SLC9A9: variants seen among roughly 807,000 people sequenced by gnomAD.
SLC9A9 encodes sodium/hydrogen exchanger 9.
SLC9A9 carries 62 observed loss-of-function variants against 77.8 expected under a neutral mutation model. The observed-to-expected ratio is 0.80, with a 90% CI of 0.65 to 0.98. The LOEUF (loss-of-function observed/expected upper bound fraction) is 0.98, where lower values mean the gene tolerates loss of function less well. Ranked by LOEUF, SLC9A9 falls within the 50% of genes least tolerant of loss-of-function variation. SLC9A9 has a pLI of 0.00. For synonymous variants in SLC9A9, 320 were observed against 283.5 expected, an observed-to-expected ratio of 1.13 and a Z score of -1.29; for missense variants, 775 against 774.9, an observed-to-expected ratio of 1.00 and a Z score of 0.00.
intron 4 of SLC9A9, among the ~76,000 whole-genome samples, chr3:143,756,444 C>G (rs1025590422): frequency 6.6e-6 from 1 of 152,096 alleles, no homozygotes; most frequent in African/African-American, 2.4e-5. Context: ...GCATCTATGC[C>G]CCAAGCTGCT....
chr3:143,503,113 T>G (rs2035953201), intron 9 of SLC9A9, among the ~76,000 whole-genome samples: 1 of 152,174 alleles, frequency 6.6e-6, no homozygotes. Flanking sequence ...CAGGACAAAG[T>G]GGGGCTTTCT....
intron 4 of SLC9A9, among the ~76,000 whole-genome samples, chr3:143,745,596 C>T (rs964902133): frequency 6.6e-6 from 1 of 152,176 alleles, no homozygotes. Flanking sequence ...CCAGTGATGT[C>T]AATGCCTAGA....
intron 2 of SLC9A9, among the ~76,000 whole-genome samples, chr3:143,831,565 C>T (rs532019213): frequency 1.3e-4 from 20 of 152,206 alleles, no homozygotes; most frequent in African/African-American, 4.3e-4. Flanking sequence ...TAGCCAAAAG[C>T]CAGTCATCCT....
At chr3:143,453,597 C>T (rs1371242079) in intron 12 of SLC9A9, among the ~76,000 whole-genome samples, 1 of 152,124 alleles carries the variant, frequency 6.6e-6, no homozygotes, top group Non-Finnish European at 1.5e-5. Context: ...TGAAAGTGCT[C>T]TCTCTATATA....
intron 14 of SLC9A9, among the ~76,000 whole-genome samples, chr3:143,302,173 G>A (rs1284754226): frequency 6.6e-6 from 1 of 152,196 alleles, no homozygotes; most frequent in Non-Finnish European, 1.5e-5. Flanking sequence ...AGGATGAGGA[G>A]CACGTTGCCT....
intron 14 of SLC9A9, among the ~76,000 whole-genome samples, chr3:143,321,750 A>G (rs1027859810): frequency 5.3e-5 from 8 of 152,240 alleles, no homozygotes; most frequent in African/African-American, 1.7e-4. Flanking sequence ...AATTCAATTC[A>G]AATATAGAGG....
intron 6 of SLC9A9, among the ~76,000 whole-genome samples, chr3:143,586,997 G>A (rs184569104): frequency 3.2e-4 from 49 of 152,280 alleles, no homozygotes; most frequent in Admixed American, 1.8e-3. Flanking sequence ...TTTAATGACT[G>A]CTCCTTAAGA....
At chr3:143,759,752 A>G (rs765183687) in intron 4 of SLC9A9, among the ~76,000 whole-genome samples, 5 of 151,998 alleles carry the variant, frequency 3.3e-5, no homozygotes, top group African/African-American at 4.8e-5. Flanking sequence ...ATCTCCCCAT[A>G]TTTATTTTAC....
chr3:143,434,527 G>A (rs1042040511), intron 12 of SLC9A9, among the ~76,000 whole-genome samples: 1 of 152,046 alleles, frequency 6.6e-6, no homozygotes, highest in African/African-American at 2.4e-5. Flanking sequence ...TCTAACCACC[G>A]TAGCCCCTTC....
rs567897538 is a variant in SLC9A9, at chr3:143,585,093, G to T, written c.756-6370C>A. Among the ~76,000 whole-genome samples, 7 of 152,240 alleles carry T rather than the reference G, an allele frequency of 4.6e-5. No individual in the cohort carries two copies. In the South Asian group the frequency reaches 1.5e-3, roughly 32 times the overall value. Reference sequence around the variant, plus strand: ...CTTAGAGACCTCTGTTGGCATGATGGCACCTCCATTTTGCTGAGAATCCCT... The same window carrying T: ...CTTAGAGACCTCTGTTGGCATGATGTCACCTCCATTTTGCTGAGAATCCCT... On this transcript the variant is annotated intron_variant, in intron 6 of 15. Transcript: ENST00000316549.
At chr3:143,492,882 A>C (rs1207248305) in intron 11 of SLC9A9, among the ~76,000 whole-genome samples, 1 of 152,208 alleles carries the variant, frequency 6.6e-6, no homozygotes, top group Non-Finnish European at 1.5e-5. Flanking sequence ...GTGTACAGCT[A>C]CATAGGAATC....
At chr3:143,817,250 G>A (rs6795305) in intron 2 of SLC9A9, among the ~76,000 whole-genome samples, 33,134 of 148,892 alleles carry the variant, frequency 0.22, 3,510 homozygotes, top group South Asian at 0.35. Flanking sequence ...CCAGGTTCAC[G>A]CCATTCTCCT....
chr3:143,597,364 C>T (rs1335958765), intron 6 of SLC9A9, among the ~76,000 whole-genome samples: 1 of 152,202 alleles, frequency 6.6e-6, no homozygotes, highest in Non-Finnish European at 1.5e-5. Context: ...CAAAGCTGTC[C>T]TTCTTGCAGA....
intron 14 of SLC9A9, among the ~76,000 whole-genome samples, chr3:143,326,516 C>T (rs777017107): frequency 6.6e-5 from 10 of 151,926 alleles, no homozygotes; most frequent in Non-Finnish European, 1.3e-4. Context: ...GCACTCAGCT[C>T]CCCTCTACAA....
chr3:143,763,004 C>T (rs957607456), intron 4 of SLC9A9, among the ~76,000 whole-genome samples: 8 of 152,044 alleles, frequency 5.3e-5, no homozygotes, highest in Admixed American at 2.6e-4. Context: ...TCAGGTGGGG[C>T]CTTTGGACTC....
At chr3:143,788,688 C>A (rs74778037) in intron 4 of SLC9A9, among the ~76,000 whole-genome samples, 214 of 89,870 alleles carry the variant, frequency 2.4e-3, no homozygotes, top group African/African-American at 4.1e-3. Flanking sequence ...GAGACTCCAT[C>A]AAAAAAAAAA....
rs1311118978 is a variant in SLC9A9, at chr3:143,711,569, T to A, written c.534-18262A>T. Among the ~76,000 whole-genome samples, 4 of 139,078 alleles carry A rather than the reference T, an allele frequency of 2.9e-5. No homozygotes were observed. In the East Asian group the frequency reaches 6.5e-4, roughly 23 times the overall value. The allele number at this position is 139,078 out of a possible 152,430, so 91.2% of individuals were successfully genotyped here. A position where few individuals can be genotyped will look rare whatever the true frequency, so the allele number is the denominator to read the frequency against. On this transcript the variant is annotated intron_variant, in intron 4 of 15. Coordinates refer to ENST00000316549, the MANE Select transcript of SLC9A9 (RefSeq NM_173653.4). ...TGAGTGCCACCACACCTGGCTAATTTAAAAAAAAAATTTTTTTTTTTTTTT... is the reference window on the plus strand; with the variant it reads ...TGAGTGCCACCACACCTGGCTAATTAAAAAAAAAAATTTTTTTTTTTTTTT...
chr3:143,381,861 C>T (rs1162434182), intron 13 of SLC9A9, 199 bp downstream of exon 13: 5 of 635,120 alleles, frequency 7.9e-6, no homozygotes, highest in Middle Eastern at 4.6e-4. Flanking sequence ...CAAGTACATG[C>T]TAGTTCTAAG....
chr3:143,425,712 G>A (rs976164300), intron 12 of SLC9A9, among the ~76,000 whole-genome samples: 1 of 152,164 alleles, frequency 6.6e-6, no homozygotes, highest in African/African-American at 2.4e-5. Flanking sequence ...AGAACCCAGA[G>A]TTCTTTTCCA....
Sources: gnomAD v4.1 joint callset for allele counts (sites outside exome capture counted in the v4.1 genomes callset) on GRCh38, gnomAD v4.1.1 for gene constraint, MANE v1.5 for transcripts, NCBI Gene and HGNC (gene_info 2026-07-23, HGNC 2026-07-21) for gene names.